COL24A1: variants seen among roughly 807,000 people sequenced by gnomAD.
COL24A1 encodes collagen type XXIV alpha 1 chain, also known as collagen alpha-1(XXIV) chain.
In COL24A1, 224 loss-of-function variants were observed where a neutral mutation model predicts 253.9. The ratio of observed to expected loss-of-function variants is 0.88; its 90% CI spans 0.79 to 0.99. The LOEUF (loss-of-function observed/expected upper bound fraction) is 0.99, where lower values mean the gene tolerates loss of function less well. Among genes scored for constraint, COL24A1 ranks in the 50% least tolerant of loss-of-function variants. The probability of loss-of-function intolerance (pLI) is 0.00; values close to 1 mark genes in which losing one functional copy is unlikely to be tolerated. For missense variants in COL24A1, 2,131 were observed against 2,068.5 expected (o/e 1.03, Z -0.59); for synonymous variants, 685 against 673.7 (o/e 1.02, Z -0.26).
chr1:85,735,038 A>T, intron 58 of COL24A1, 74 bp from the exon 59 acceptor site: 1 of 1,432,890 alleles, frequency 7.0e-7, no homozygotes, highest in South Asian at 1.2e-5. Context: ...AAACCTGAGG[A>T]AAAGTCCTTC....
At chr1:85,875,691 A>G (rs1681068365) in intron 33 of COL24A1, among the ~76,000 whole-genome samples, 1 of 150,502 alleles carries the variant, frequency 6.6e-6, no homozygotes, top group South Asian at 2.1e-4. Context: ...TGCAAATAAG[A>G]GATAAATTTA....
At chr1:85,862,186 C>G (rs1413569963) in intron 37 of COL24A1, among the ~76,000 whole-genome samples, 8 of 152,072 alleles carry the variant, frequency 5.3e-5, no homozygotes, top group Non-Finnish European at 1.2e-4. Context: ...ATCTTTCAGT[C>G]TTCTTCATTA....
At chr1:85,980,365 A>C (rs543495972) in intron 20 of COL24A1, among the ~76,000 whole-genome samples, 11 of 152,072 alleles carry the variant, frequency 7.2e-5, no homozygotes, top group African/African-American at 2.6e-4. Flanking sequence ...AGAAATAAAG[A>C]ATCGGTAAAG....
chr1:86,129,317 T>C lies in COL24A1; in HGVS notation c.122-3103A>G, dbSNP rs76537586. ...ATTTCTCTAATTTTGGTTATTTTGCTTTATTTATTCTTAAGTCTGTCATTA... is the reference window on the plus strand; with the variant it reads ...ATTTCTCTAATTTTGGTTATTTTGCCTTATTTATTCTTAAGTCTGTCATTA... On this transcript the variant is annotated intron_variant, in intron 2 of 59. Coordinates refer to ENST00000370571, the MANE Select transcript of COL24A1 (RefSeq NM_152890.7). Among the ~76,000 whole-genome samples, 29 of 151,840 alleles carry C rather than the reference T, an allele frequency of 1.9e-4. No individual in the cohort carries two copies. The East Asian group carries it at 5.4e-3, about 28-fold the overall frequency.
At position 85,971,432 on chromosome 1, in the gene COL24A1, G is replaced by T. The variant is rs189538447; in HGVS notation, c.2365-39C>A. The T allele has an allele frequency of 3.1e-3, 4,556 of 1,473,836 alleles. 123 individuals are homozygous for T. The South Asian group carries it at 0.047, about 15-fold the overall frequency. 91.3% of individuals were successfully genotyped at this position (1,473,836 alleles called of 1,614,324 possible). ...ATAAATGCACACAATAGAAATTTTA[G>T]ATCAACTGACATTTTGATAAATCAG... On this transcript the variant is annotated intron_variant, in intron 20 of 59. Coordinates refer to ENST00000370571, the MANE Select transcript of COL24A1 (RefSeq NM_152890.7).
chr1:85,737,018 G>T (rs1026578896), intron 58 of COL24A1, among the ~76,000 whole-genome samples: 6 of 152,040 alleles, frequency 3.9e-5, no homozygotes, highest in African/African-American at 1.4e-4. Flanking sequence ...CTTTTTTAAT[G>T]ATTATAATAT....
intron 4 of COL24A1, among the ~76,000 whole-genome samples, chr1:86,114,470 A>G (rs1414600): frequency 0.97 from 148,106 of 152,172 alleles, 72,181 homozygotes; most frequent in Non-Finnish European, 1. Flanking sequence ...GTAGGAGGAT[A>G]GGAATGGTTC....
chr1:85,841,985 A>G, intron 41 of COL24A1, 83 bp downstream of exon 41: 1 of 1,239,910 alleles, frequency 8.1e-7, no homozygotes. Context: ...TATTCCTTGA[A>G]AATTTTTCCA....
chr1:86,045,457 C>A (rs1488609579), intron 12 of COL24A1, among the ~76,000 whole-genome samples: 1 of 151,984 alleles, frequency 6.6e-6, no homozygotes, highest in African/African-American at 2.4e-5. Context: ...CTAAAGAAAA[C>A]AAACCACCTA....
intron 48 of COL24A1, among the ~76,000 whole-genome samples, chr1:85,784,961 C>G (rs1669529977): frequency 6.6e-6 from 1 of 152,030 alleles, no homozygotes; most frequent in South Asian, 2.1e-4. Context: ...GAACTACTAG[C>G]CTCAAGTGAT....
chr1:86,110,567 G>A (rs1372357592), intron 5 of COL24A1, among the ~76,000 whole-genome samples: 1 of 151,888 alleles, frequency 6.6e-6, no homozygotes, highest in African/African-American at 2.4e-5. Flanking sequence ...AGGGAGAGGC[G>A]CAGGCAGGAA....
rs1179930267 is a variant in COL24A1, at chr1:86,059,370, G to A, written c.1753-196C>T. ...ATAAAATCAGTAAACTATTAGATTA[G>A]GGCCCTAAATGATATATGATCATTA... On this transcript the variant is annotated intron_variant, in intron 8 of 59. Transcript: ENST00000370571. Among the ~76,000 whole-genome samples, 4 of 152,148 alleles carry A rather than the reference G, an allele frequency of 2.6e-5. No individual in the cohort carries two copies. The East Asian group carries it at 7.7e-4, about 29-fold the overall frequency.
chr1:85,784,001 T>C, intron 50 of COL24A1, 112 bp downstream of exon 50: 1 of 748,474 alleles, frequency 1.3e-6, no homozygotes. Flanking sequence ...TATAAATATG[T>C]ACCAACTGAA....
intron 24 of COL24A1, among the ~76,000 whole-genome samples, chr1:85,949,807 G>A (rs1455578330): frequency 6.6e-6 from 1 of 151,984 alleles, no homozygotes; most frequent in African/African-American, 2.4e-5. Context: ...TACGCTACAG[G>A]ATACAATGTT....
chr1:85,925,974 C>T (rs1221440008), intron 24 of COL24A1, among the ~76,000 whole-genome samples: 1 of 151,984 alleles, frequency 6.6e-6, no homozygotes, highest in African/African-American at 2.4e-5. Flanking sequence ...AACAAATTTA[C>T]AAGAAAAAAA....
At chr1:85,928,744 C>T (rs200155707) in intron 24 of COL24A1, among the ~76,000 whole-genome samples, 27 of 62,202 alleles carry the variant, frequency 4.3e-4, no homozygotes, top group South Asian at 2.2e-3. Context: ...TTGGCAGAAA[C>T]TCTATAAGCC....
At chr1:85,906,557 CTAAGA>C (rs1301515707) in intron 28 of COL24A1, among the ~76,000 whole-genome samples, 2 of 151,518 alleles carry the variant, frequency 1.3e-5, no homozygotes, top group African/African-American at 4.8e-5. Flanking sequence ...ACTATAATAG[CTAAGA>C]TATAATATTT....
At chr1:86,133,809 C>CTT (rs147496693) in intron 2 of COL24A1, among the ~76,000 whole-genome samples, 36 of 151,714 alleles carry the variant, frequency 2.4e-4, no homozygotes, top group East Asian at 5.9e-4. Context: ...GTCTAAAATT[C>CTT]TTTTTTTGTT....
intron 50 of COL24A1, among the ~76,000 whole-genome samples, chr1:85,783,818 G>A (rs926212526): frequency 6.6e-6 from 1 of 151,998 alleles, no homozygotes; most frequent in African/African-American, 2.4e-5. Context: ...TTAGGTAATG[G>A]GTATAGGCAT....
Sources: allele counts gnomAD v4.1 joint callset (sites outside exome capture counted in the v4.1 genomes callset), GRCh38; gene constraint gnomAD v4.1.1; transcripts MANE v1.5; gene names NCBI Gene and HGNC (gene_info 2026-07-23, HGNC 2026-07-21).